KAZN: variants seen among roughly 807,000 people sequenced by gnomAD.
KAZN encodes the protein kazrin, periplakin interacting protein.
KAZN carries 40 observed loss-of-function variants against 87.4 expected under a neutral mutation model. That is an observed-to-expected ratio of 0.46 (90% confidence interval 0.36 to 0.60). The LOEUF is 0.60. Ranked by LOEUF, KAZN falls within the 20% of genes least tolerant of loss-of-function variation. The pLI is 0.00. For missense variants in KAZN, 898 were observed against 1,073.9 expected (o/e 0.84, Z 2.29); for synonymous variants, 466 against 458.3 (o/e 1.02, Z -0.22).
At chr1:15,085,021 A>G (rs1640181482) in intron 8 of KAZN, among the ~76,000 whole-genome samples, 1 of 152,262 alleles carries the variant, frequency 6.6e-6, no homozygotes, top group Non-Finnish European at 1.5e-5. Flanking sequence ...AACTTGAAAG[A>G]GAAAACAGAT....
intron 8 of KAZN, 121 bp downstream of exon 8, chr1:15,065,874 G>A (rs570254415): frequency 1.4e-5 from 22 of 1,526,466 alleles, no homozygotes; most frequent in East Asian, 9.4e-5. Context: ...GTGGGTGCGC[G>A]TGTGGCCGTG....
intron 4 of KAZN, among the ~76,000 whole-genome samples, chr1:15,046,491 C>A (rs370144359): frequency 6.6e-6 from 1 of 152,078 alleles, no homozygotes; most frequent in African/African-American, 2.4e-5. Context: ...ATCAGACCCA[C>A]GCACCCATGC....
In KAZN at chr1:13,982,576, G is replaced by A. The variant is rs965786305; in HGVS notation, c.91+88820G>A. 8.3e-4 allele frequency among the ~76,000 whole-genome samples: 126 copies of A among 152,214 alleles called. 3 individuals carry two copies. The highest frequency in any genetic ancestry group is 5.6e-4 in the Non-Finnish European group (38 of 68,030). ...TTGCCACTGCTGGCTCGGGCAGCCT[G>A]CTTTTATTCTCTTATCTGGCCCCAC... is the stretch of plus-strand genomic sequence containing the variant. On this transcript the variant is annotated intron_variant, in intron 1 of 16. Coordinates refer to the KAZN transcript ENST00000636203.
At chr1:14,672,931 G>C (rs1410661589) in intron 1 of KAZN, among the ~76,000 whole-genome samples, 1 of 152,210 alleles carries the variant, frequency 6.6e-6, no homozygotes, top group East Asian at 1.9e-4. Flanking sequence ...CTACCTCAGA[G>C]TCTGGCTTAG....
chr1:14,547,007 G>A (rs1673193771), intron 2 of KAZN, among the ~76,000 whole-genome samples: 1 of 152,170 alleles, frequency 6.6e-6, no homozygotes, highest in Non-Finnish European at 1.5e-5. Flanking sequence ...TTTACTGAGT[G>A]AGCTGGGGAC....
chr1:14,428,692 C>T (rs995627926), intron 2 of KAZN, among the ~76,000 whole-genome samples: 29 of 152,206 alleles, frequency 1.9e-4, no homozygotes, highest in African/African-American at 5.5e-4. Flanking sequence ...CTTCACAGAG[C>T]GGCAGGAGAG....
chr1:14,939,624 C>G (rs900603089), intron 1 of KAZN, among the ~76,000 whole-genome samples: 18 of 152,156 alleles, frequency 1.2e-4, no homozygotes, highest in African/African-American at 4.3e-4. Context: ...GGTGCCTCTG[C>G]ATTGGGACGT....
At chr1:15,016,711 C>A (rs1225259618) in intron 2 of KAZN, among the ~76,000 whole-genome samples, 3 of 152,180 alleles carry the variant, frequency 2.0e-5, no homozygotes, top group Non-Finnish European at 2.9e-5. Flanking sequence ...AAGGCCCCTC[C>A]CTGGCCTTCG....
At chr1:14,566,462 G>A (rs538005996) in intron 2 of KAZN, among the ~76,000 whole-genome samples, 12 of 152,296 alleles carry the variant, frequency 7.9e-5, no homozygotes, top group Non-Finnish European at 5.9e-5. Flanking sequence ...GAATGGAAAT[G>A]AGCATTGACT....
chr1:14,001,612 G>C (rs189504809), intron 1 of KAZN, among the ~76,000 whole-genome samples: 64 of 152,272 alleles, frequency 4.2e-4, no homozygotes, highest in African/African-American at 1.5e-3. Context: ...TATACTGCAA[G>C]GCTACAGTAA....
intron 1 of KAZN, among the ~76,000 whole-genome samples, chr1:13,956,409 A>G (rs574788814): frequency 1.3e-4 from 20 of 150,198 alleles, no homozygotes; most frequent in Non-Finnish European, 2.5e-4. Flanking sequence ...ATCCAGAGAC[A>G]TGTCCCTTTG....
At chr1:15,009,308 C>G (rs182899359) in intron 2 of KAZN, among the ~76,000 whole-genome samples, 1 of 152,302 alleles carries the variant, frequency 6.6e-6, no homozygotes, top group South Asian at 2.1e-4. Context: ...CCCAGAATCC[C>G]GACAGAAGAG....
chr1:15,043,899 A>G (rs984157236), intron 3 of KAZN, 90 bp from the exon 4 acceptor site: 3 of 1,317,020 alleles, frequency 2.3e-6, no homozygotes, highest in Non-Finnish European at 3.1e-6. Context: ...TTCTTTTTCC[A>G]TCTAGGAGTT....
intron 2 of KAZN, among the ~76,000 whole-genome samples, chr1:14,327,667 A>T (rs957898168): frequency 2.0e-5 from 3 of 151,806 alleles, no homozygotes; most frequent in African/African-American, 7.3e-5. Context: ...AAACCTGGAA[A>T]GTTGTGGTAG....
chr1:14,960,703 G>A lies in KAZN; in HGVS notation c.246G>A (p.Val82=), dbSNP rs745502624. 6 of 1,571,342 alleles carry A rather than the reference G, an allele frequency of 3.8e-6. No homozygotes were observed. The highest frequency in any genetic ancestry group is 5.2e-6 in the Non-Finnish European group (6 of 1,157,022). ...CCCTAGTGCTCCTGCGGGAAGAAGT[G>A]TCGCGGCTCCAGGAGGAAGTTCACC... The part of the protein sequence containing the change: ...LGAQVLLREE[V]SRLQEEVHLL... Residue 82 remains valine (V), a synonymous_variant, in exon 2 of 15, where the codon GTG becomes GTA. Transcript: ENST00000376030.
intron 1 of KAZN, among the ~76,000 whole-genome samples, chr1:14,952,128 G>A (rs1662561030): frequency 6.6e-6 from 1 of 152,184 alleles, no homozygotes; most frequent in South Asian, 2.1e-4. Context: ...GTCTCTGCAA[G>A]GCTTCATGGA....
chr1:14,583,666 T>A (rs930172928), intron 2 of KAZN, among the ~76,000 whole-genome samples: 1 of 152,122 alleles, frequency 6.6e-6, no homozygotes, highest in Non-Finnish European at 1.5e-5. Context: ...TGATAGCTGG[T>A]GAGGGGGCAG....
chr1:13,995,067 T>C (rs1639446040), intron 1 of KAZN, among the ~76,000 whole-genome samples: 1 of 152,004 alleles, frequency 6.6e-6, no homozygotes. Context: ...AGTAGGAGAA[T>C]ATTCCGTTAA....
chr1:14,326,147 TAAC>T (rs933690552), intron 2 of KAZN, among the ~76,000 whole-genome samples: 1 of 152,118 alleles, frequency 6.6e-6, no homozygotes, highest in Non-Finnish European at 1.5e-5. Flanking sequence ...ATCTCAAACT[TAAC>T]AAAGTCAAAA....
Sources: allele counts gnomAD v4.1 joint callset (sites outside exome capture counted in the v4.1 genomes callset), GRCh38; gene constraint gnomAD v4.1.1; transcripts MANE v1.5; gene names NCBI Gene and HGNC (gene_info 2026-07-23, HGNC 2026-07-21).